ZNF550: variants seen among roughly 807,000 people sequenced by gnomAD.
The protein encoded by ZNF550 is zinc finger protein 550.
ZNF550 carries 42 observed loss-of-function variants against 40.2 expected under a neutral mutation model. The observed-to-expected ratio is 1.05, with a 90% CI of 0.82 to 1.35. The LOEUF (loss-of-function observed/expected upper bound fraction) is 1.35. ZNF550 is among the 40% of genes most tolerant of loss of function. ZNF550 has a pLI of 0.00. For missense variants in ZNF550, 549 were observed against 525.2 expected (o/e 1.05, Z -0.44); for synonymous variants, 223 against 198.6 (o/e 1.12, Z -1.03).
At chr19:57,546,719 C>G (rs1196162541) in exon 4 of ZNF550, 2 of 1,233,434 alleles carry the variant, frequency 1.6e-6, no homozygotes, top group African/African-American at 3.0e-5. Context: ...CACATTTCCC[C>G]CTGGTATGAA....
At chr19:57,560,370 G>A (rs950058734), upstream of ZNF550, among the ~76,000 whole-genome samples, 4 of 152,190 alleles carry the variant, frequency 2.6e-5, no homozygotes, top group Non-Finnish European at 4.4e-5. Context: ...GACTGGTGTT[G>A]CCCAGGGCTC....
intron 3 of ZNF550, 106 bp downstream of exon 3, chr19:57,552,521 C>G: frequency 1.1e-6 from 1 of 879,686 alleles, no homozygotes; most frequent in Non-Finnish European, 1.7e-6. Context: ...ACCAGGCCCC[C>G]GGAAAGCCAC....
At chr19:57,548,092 G>T in intron 3 of ZNF550, 99 bp from the exon 4 acceptor site, 1 of 1,114,528 alleles carries the variant, frequency 9.0e-7, no homozygotes, top group Non-Finnish European at 1.3e-6. Context: ...TGAAAATAGT[G>T]CCTATGATAC....
chr19:57,555,806 T>C (rs2090115195), intron 2 of ZNF550: 2 of 226,810 alleles, frequency 8.8e-6, no homozygotes, highest in South Asian at 5.7e-5. Flanking sequence ...CTAATGACCA[T>C]GCAGGCACCC....
At chr19:57,552,490 A>G (rs2090081075) in intron 3 of ZNF550, 137 bp downstream of exon 3, 5 of 637,512 alleles carry the variant, frequency 7.8e-6, no homozygotes, top group Non-Finnish European at 1.4e-5. Flanking sequence ...GGACACTATG[A>G]CCCAAAGTGA....
chr19:57,551,560 G>A (rs960618830), intron 3 of ZNF550, among the ~76,000 whole-genome samples: 1 of 152,198 alleles, frequency 6.6e-6, no homozygotes, highest in Non-Finnish European at 1.5e-5. Context: ...GAGCTATGTG[G>A]TGTGTTTCCA....
In ZNF550 at chr19:57,545,084, T is replaced by C. The variant is rs1464586961; in HGVS notation, c.*518+1373A>G. On this transcript the variant is annotated intron_variant, in intron 4 of 4. Transcript: ENST00000457177. The stretch of plus-strand genomic sequence containing the variant: ...TTGCAATGAGCCAAGATCGCACTCC[T>C]GCACTCCAGCCTAGGCAGCGGAGTG... 5.3e-5 allele frequency among the ~76,000 whole-genome samples: 8 copies of C among 152,346 alleles called. No individual in the cohort carries two copies. In the East Asian group the frequency reaches 1.5e-3, roughly 29 times the overall value.
At chr19:57,557,282 C>T (rs562213723) in intron 1 of ZNF550, 2 of 151,944 alleles carry the variant, frequency 1.3e-5, no homozygotes, top group African/African-American at 2.4e-5. Flanking sequence ...AGGAGAAAGC[C>T]GCCTTATGGC....
At chr19:57,559,677 C>A (rs1481710710) in exon 1 of ZNF550, 10 of 1,504,886 alleles carry the variant, frequency 6.6e-6, no homozygotes, top group Non-Finnish European at 8.0e-6. Flanking sequence ...CCTTCGTCTC[C>A]GCCATCCGAC....
At chr19:57,556,510 G>A in intron 1 of ZNF550, 153 bp from the exon 2 acceptor site, 3 of 888,640 alleles carry the variant, frequency 3.4e-6, no homozygotes, top group Non-Finnish European at 5.1e-6. Context: ...TCAAAGGGGA[G>A]GCAGATACTG....
At chr19:57,556,049 G>A in intron 2 of ZNF550, 182 bp downstream of exon 2, 1 of 692,904 alleles carries the variant, frequency 1.4e-6, no homozygotes, top group Non-Finnish European at 2.4e-6. Flanking sequence ...CTGGAGTGAG[G>A]GTTTGTGTTA....
exon 5 of ZNF550, chr19:57,542,518 G>T (rs75973147): frequency 4.6e-5 from 7 of 151,856 alleles, no homozygotes; most frequent in Admixed American, 2.6e-4. Flanking sequence ...AATATTACAT[G>T]GCAGTTAAAA....
At chr19:57,552,384 G>A (rs1407712932) in intron 3 of ZNF550, 1 of 483,914 alleles carries the variant, frequency 2.1e-6, no homozygotes, top group African/African-American at 1.9e-5. Flanking sequence ...CCTTCTACCA[G>A]CTGGATTGAG....
chr19:57,546,811 G>T, exon 4 of ZNF550: 1 of 1,399,668 alleles, frequency 7.1e-7, no homozygotes. Flanking sequence ...TCTCCAAAGT[G>T]ACTGCTCATG....
chr19:57,552,774 GTC>G, intron 2 of ZNF550, 52 bp from the exon 3 acceptor site: 3 of 1,363,760 alleles, frequency 2.2e-6, no homozygotes, highest in South Asian at 2.4e-5. Flanking sequence ...GAAAATGAAA[GTC>G]TCTCCATCTT....
intron 3 of ZNF550, among the ~76,000 whole-genome samples, chr19:57,549,895 A>G (rs558399754): frequency 3.3e-5 from 5 of 152,200 alleles, no homozygotes; most frequent in Non-Finnish European, 7.4e-5. Flanking sequence ...GCCTGTGTCA[A>G]GTGGGTTGAT....
intron 2 of ZNF550, chr19:57,555,555 T>C (rs1029329905): frequency 6.5e-6 from 1 of 154,100 alleles, no homozygotes; most frequent in African/African-American, 2.4e-5. Context: ...GCCAGGTTGG[T>C]ATTGAACTCC....
At chr19:57,547,681 T>C (rs780363835) in exon 4 of ZNF550, 1 of 1,614,228 alleles carries the variant, frequency 6.2e-7, no homozygotes. Flanking sequence ...CCCTGGTTGC[T>C]GTGAGTCACA....
At position 57,547,711 on chromosome 19, in the gene ZNF550, G is replaced by C; in HGVS notation, c.533C>G (p.Ser178Ter). ...GTCACATTCATGGAGAACATCTGCT[G>C]ATAACCACTCTTGTAATGCCCTGGA... The change falls in exon 4 of 5, where the codon TCA (serine) becomes TGA (stop). Residue 178 changes from serine to a stop codon, truncating the protein, a stop_gained. Transcript: ENST00000457177. LOFTEE classifies it high-confidence loss of function. The C allele has an allele frequency of 6.2e-7, 1 of 1,614,176 alleles. No individual in the cohort carries two copies. Among genetic ancestry groups the C allele is most frequent in the Non-Finnish European group, 8.5e-7 (1 of 1,180,046 alleles).
Sources: allele counts gnomAD v4.1 joint callset (sites outside exome capture counted in the v4.1 genomes callset), GRCh38; gene constraint gnomAD v4.1.1; transcripts MANE v1.5; gene names NCBI Gene and HGNC (gene_info 2026-07-23, HGNC 2026-07-21).